Variants in RHOU observed in about 807,000 individuals in gnomAD.
RHOU encodes rho-related GTP-binding protein RhoU.
In RHOU, 8 loss-of-function variants were observed where a neutral mutation model predicts 12.6. The ratio of observed to expected loss-of-function variants is 0.64; its 90% CI spans 0.37 to 1.15. The LOEUF (loss-of-function observed/expected upper bound fraction) is 1.15. Ranked by LOEUF, RHOU falls within the 50% of genes most tolerant of loss-of-function variation. The pLI is 0.01. For synonymous variants in RHOU, 161 were observed against 147.4 expected (o/e 1.09, Z -0.67); for missense variants, 258 against 347.0 (o/e 0.74, Z 2.04).
the RHOU span, among the ~76,000 whole-genome samples, chr1:228,663,625 CTTTTTTTTTTT>C: frequency 1.7e-5 from 1 of 58,764 alleles, no homozygotes; most frequent in Non-Finnish European, 3.1e-5. Flanking sequence ...CTTTTCTTTT[CTTTTTTTTTTT>C]TTTTTTTTTT....
At chr1:228,668,172 A>G in the RHOU span, among the ~76,000 whole-genome samples, 7 of 152,312 alleles carry the variant, frequency 4.6e-5, no homozygotes, top group African/African-American at 1.7e-4. Context: ...TGCTGGGAGG[A>G]TGCCACACCC....
chr1:228,654,615 T>C, the RHOU span, among the ~76,000 whole-genome samples: 1 of 152,196 alleles, frequency 6.6e-6, no homozygotes, highest in African/African-American at 2.4e-5. Context: ...TTTTCCTTGT[T>C]TATGCCTACC....
At chr1:228,646,887 G>T in the RHOU span, among the ~76,000 whole-genome samples, 1 of 151,994 alleles carries the variant, frequency 6.6e-6, no homozygotes. Context: ...GAAACCGAGG[G>T]AGGGAGAGAG....
At chr1:228,667,324 C>T in the RHOU span, among the ~76,000 whole-genome samples, 1 of 152,030 alleles carries the variant, frequency 6.6e-6, no homozygotes, top group African/African-American at 2.4e-5. Context: ...CAGTGGAAGC[C>T]CAGAGGGAGG....
chr1:228,647,729 G>T, the RHOU span, among the ~76,000 whole-genome samples: 1 of 152,196 alleles, frequency 6.6e-6, no homozygotes, highest in Non-Finnish European at 1.5e-5. Context: ...GTTTCATCGT[G>T]TTGCGCCGCC....
At chr1:228,725,881 A>G in the RHOU span, among the ~76,000 whole-genome samples, 1 of 152,208 alleles carries the variant, frequency 6.6e-6, no homozygotes, top group East Asian at 1.9e-4. Flanking sequence ...GAGTAGATAA[A>G]AAAATGATTT....
At chr1:228,665,802 A>G in the RHOU span, among the ~76,000 whole-genome samples, 1 of 152,106 alleles carries the variant, frequency 6.6e-6, no homozygotes, top group Non-Finnish European at 1.5e-5. Context: ...GATCATTTTG[A>G]CTCAGTCTAG....
chr1:228,718,999 A>AG, the RHOU span, among the ~76,000 whole-genome samples: 1 of 152,178 alleles, frequency 6.6e-6, no homozygotes, highest in Non-Finnish European at 1.5e-5. Context: ...ATCGTCTAAA[A>AG]GGTTTGAAAT....
At chr1:228,683,584 C>A in the RHOU span, among the ~76,000 whole-genome samples, 83 of 152,212 alleles carry the variant, frequency 5.5e-4, no homozygotes, top group African/African-American at 1.8e-3. Context: ...AAAGAAAAAA[C>A]CCCCACAAAA....
chr1:228,676,138 C>CG, the RHOU span, among the ~76,000 whole-genome samples: 34 of 150,828 alleles, frequency 2.3e-4, 1 homozygote, highest in Non-Finnish European at 4.0e-4. Context: ...ACCGCCCCCC[C>CG]CCTTTTTTTT....
At chr1:228,734,845 TA>T (rs1261897540), upstream of RHOU, among the ~76,000 whole-genome samples, 1 of 152,138 alleles carries the variant, frequency 6.6e-6, no homozygotes, top group Non-Finnish European at 1.5e-5. Context: ...ATTGGGGGTA[TA>T]AAAAAATTTC....
the RHOU span, among the ~76,000 whole-genome samples, chr1:228,724,698 A>G: frequency 6.6e-6 from 1 of 152,350 alleles, no homozygotes; most frequent in South Asian, 2.1e-4. Context: ...ACCAAGCTGT[A>G]TGATAGATCT....
At chr1:228,646,961 A>G in the RHOU span, among the ~76,000 whole-genome samples, 1 of 152,090 alleles carries the variant, frequency 6.6e-6, no homozygotes, top group African/African-American at 2.4e-5. Flanking sequence ...AGGGACAGAG[A>G]AAGGGAGAAG....
At chr1:228,740,894 C>G (rs1662707000) in intron 2 of RHOU, among the ~76,000 whole-genome samples, 1 of 152,086 alleles carries the variant, frequency 6.6e-6, no homozygotes, top group South Asian at 2.1e-4. Context: ...TATAAGATGT[C>G]AAAAGGAGTT....
At chr1:228,659,353 G>A in the RHOU span, among the ~76,000 whole-genome samples, 1 of 151,926 alleles carries the variant, frequency 6.6e-6, no homozygotes, top group Non-Finnish European at 1.5e-5. Flanking sequence ...ACTCCAGCCT[G>A]GGCAACAAGA....
chr1:228,663,032 G>T, the RHOU span, among the ~76,000 whole-genome samples: 2 of 152,242 alleles, frequency 1.3e-5, no homozygotes, highest in East Asian at 3.9e-4. Flanking sequence ...ATTGTCAGCT[G>T]CCTGTTTTTG....
At chr1:228,714,378 G>A in the RHOU span, among the ~76,000 whole-genome samples, 15 of 152,040 alleles carry the variant, frequency 9.9e-5, no homozygotes, top group South Asian at 1.2e-3. Flanking sequence ...CATTTGCTCC[G>A]GAACAATGTA....
chr1:228,696,013 GATTTTACGAATTAT>G, the RHOU span, among the ~76,000 whole-genome samples: 1 of 152,080 alleles, frequency 6.6e-6, no homozygotes. Context: ...AGAATCTAAG[GATTTTACGAATTAT>G]ATGCCAAGAG....
At chr1:228,699,884 CTA>C in the RHOU span, among the ~76,000 whole-genome samples, 13 of 152,142 alleles carry the variant, frequency 8.5e-5, no homozygotes, top group Non-Finnish European at 1.6e-4. Context: ...TGAAATCTCT[CTA>C]TAAATCTTTA....
Sources: allele counts gnomAD v4.1 joint callset (sites outside exome capture counted in the v4.1 genomes callset), GRCh38; gene constraint gnomAD v4.1.1; transcripts MANE v1.5; gene names NCBI Gene and HGNC (gene_info 2026-07-23, HGNC 2026-07-21).